KCNH7: variants seen among roughly 807,000 people sequenced by gnomAD.
KCNH7 encodes voltage-gated inwardly rectifying potassium channel KCNH7.
In KCNH7, 49 loss-of-function variants were observed where a neutral mutation model predicts 120.8. That is an observed-to-expected ratio of 0.41 (90% CI 0.32 to 0.51). The LOEUF is 0.51. Ranked by LOEUF, KCNH7 falls within the 20% of genes least tolerant of loss-of-function variation. The pLI is 0.38. For synonymous variants in KCNH7, 547 were observed against 516.1 expected, an observed-to-expected ratio of 1.06 and a Z score of -0.81; for missense variants, 1,097 against 1,446.6, an observed-to-expected ratio of 0.76 and a Z score of 3.92.
intron 5 of KCNH7, among the ~76,000 whole-genome samples, chr2:162,505,695 T>C (rs1209604509): frequency 1.3e-5 from 2 of 151,942 alleles, no homozygotes. Flanking sequence ...GAGAATTTTA[T>C]AAAAATCGTG....
chr2:162,818,063 A>G (rs1260050708), intron 2 of KCNH7, among the ~76,000 whole-genome samples: 1 of 151,972 alleles, frequency 6.6e-6, no homozygotes, highest in Admixed American at 6.5e-5. Context: ...ACATATATAC[A>G]GTTTTTATTT....
intron 2 of KCNH7, among the ~76,000 whole-genome samples, chr2:162,595,841 T>A (rs1694361100): frequency 1.3e-5 from 2 of 151,908 alleles, no homozygotes; most frequent in Non-Finnish European, 2.9e-5. Context: ...CAAGAAATGT[T>A]AGAACAGCGA....
At chr2:162,809,676 A>G (rs1172754645) in intron 2 of KCNH7, among the ~76,000 whole-genome samples, 1 of 152,146 alleles carries the variant, frequency 6.6e-6, no homozygotes, top group Non-Finnish European at 1.5e-5. Context: ...TTTTAGGACA[A>G]GGATAACACA....
intron 12 of KCNH7, among the ~76,000 whole-genome samples, chr2:162,390,267 CACAT>C (rs1323177717): frequency 4.0e-5 from 6 of 150,436 alleles, no homozygotes; most frequent in African/African-American, 1.2e-4. Context: ...CACACACACA[CACAT>C]ATTTATATAT....
chr2:162,471,720 A>T (rs1251120035), intron 6 of KCNH7, among the ~76,000 whole-genome samples: 4 of 152,240 alleles, frequency 2.6e-5, no homozygotes, highest in Non-Finnish European at 4.4e-5. Flanking sequence ...CTTTCTTCAC[A>T]GAATTGGAAA....
intron 9 of KCNH7, among the ~76,000 whole-genome samples, chr2:162,411,201 C>A (rs925298542): frequency 6.6e-6 from 1 of 151,964 alleles, no homozygotes; most frequent in African/African-American, 2.4e-5. Context: ...TGAAACCAAC[C>A]AATATAAGAT....
intron 7 of KCNH7, among the ~76,000 whole-genome samples, chr2:162,438,200 GATA>G (rs1688312989): frequency 6.6e-6 from 1 of 152,118 alleles, no homozygotes. Flanking sequence ...AACATATTGT[GATA>G]ATAAGTACTA....
At chr2:162,804,777 A>G (rs1684479907) in intron 2 of KCNH7, among the ~76,000 whole-genome samples, 1 of 151,596 alleles carries the variant, frequency 6.6e-6, no homozygotes, top group Admixed American at 6.6e-5. Flanking sequence ...AAAAAAAAAA[A>G]AGAGACAAAT....
At chr2:162,707,908 C>T (rs975498018) in intron 2 of KCNH7, among the ~76,000 whole-genome samples, 57 of 152,032 alleles carry the variant, frequency 3.7e-4, no homozygotes, top group Non-Finnish European at 8.1e-4. Context: ...ATGAAGTCTG[C>T]TTCCTCATTT....
intron 2 of KCNH7, among the ~76,000 whole-genome samples, chr2:162,625,516 T>A (rs1683521305): frequency 6.6e-6 from 1 of 152,048 alleles, no homozygotes; most frequent in Admixed American, 6.6e-5. Context: ...TACAGCTGCT[T>A]TAGGCAGCAT....
At chr2:162,547,947 C>T (rs527774651) in intron 2 of KCNH7, among the ~76,000 whole-genome samples, 1 of 152,044 alleles carries the variant, frequency 6.6e-6, no homozygotes, top group Non-Finnish European at 1.5e-5. Context: ...AGATTAGGCT[C>T]TTTAGGTATG....
intron 2 of KCNH7, among the ~76,000 whole-genome samples, chr2:162,808,765 C>T (rs1447242207): frequency 6.6e-6 from 1 of 151,596 alleles, no homozygotes; most frequent in Non-Finnish European, 1.5e-5. Flanking sequence ...TAAAAGAATA[C>T]TAATTATATT....
At chr2:162,550,537 T>A (rs1490833968) in intron 2 of KCNH7, among the ~76,000 whole-genome samples, 1 of 151,656 alleles carries the variant, frequency 6.6e-6, no homozygotes, top group Non-Finnish European at 1.5e-5. Flanking sequence ...AGCATATAGC[T>A]GTCTCAGGGT....
In KCNH7 at chr2:162,406,621, A is replaced by G. The variant is rs10169276; in HGVS notation, c.2155-6180T>C. On this transcript the variant is annotated intron_variant, in intron 9 of 15. Coordinates refer to ENST00000332142, the MANE Select transcript of KCNH7 (RefSeq NM_033272.4). ...ACTCCCTATGAAACACTAAACCTCA[A>G]GCATGATTATCAAATAGATGAGTAA... is the stretch of plus-strand genomic sequence containing the variant. Among the ~76,000 whole-genome samples the G allele has an allele frequency of 4.2e-3, 632 of 152,138 alleles. 2 individuals are homozygous for G. Among genetic ancestry groups the G allele is most frequent in the African/African-American group, 0.014 (598 of 41,536 alleles).
intron 2 of KCNH7, among the ~76,000 whole-genome samples, chr2:162,820,209 TTG>T (rs71410049): frequency 0.021 from 2,122 of 99,700 alleles, 47 homozygotes; most frequent in East Asian, 0.13. Flanking sequence ...CCGGCTAATT[TTG>T]TGTGTGTGTG....
intron 6 of KCNH7, among the ~76,000 whole-genome samples, chr2:162,482,612 A>C (rs550593460): frequency 9.8e-5 from 15 of 152,330 alleles, no homozygotes; most frequent in African/African-American, 3.6e-4. Flanking sequence ...TAAAAAAGTT[A>C]TATTAAGTTT....
intron 6 of KCNH7, among the ~76,000 whole-genome samples, chr2:162,496,679 T>C (rs1690509865): frequency 6.6e-6 from 1 of 152,190 alleles, no homozygotes; most frequent in Admixed American, 6.5e-5. Flanking sequence ...CCTGCATCAG[T>C]ATTGTGAATT....
intron 2 of KCNH7, among the ~76,000 whole-genome samples, chr2:162,776,634 C>T (rs1195464720): frequency 6.6e-6 from 1 of 152,090 alleles, no homozygotes; most frequent in Non-Finnish European, 1.5e-5. Flanking sequence ...CATGTAGTCT[C>T]TAAAAGAGAC....
chr2:162,482,762 G>T (rs182731840), intron 6 of KCNH7, among the ~76,000 whole-genome samples: 9 of 152,226 alleles, frequency 5.9e-5, no homozygotes, highest in African/African-American at 2.2e-4. Context: ...TGTTGCAGAA[G>T]TAGGTTCTTC....
Sources: allele counts gnomAD v4.1 joint callset (sites outside exome capture counted in the v4.1 genomes callset), GRCh38; gene constraint gnomAD v4.1.1; transcripts MANE v1.5; gene names NCBI Gene and HGNC (gene_info 2026-07-23, HGNC 2026-07-21).